Variants in KCNIP4 observed in about 807,000 individuals in gnomAD.
KCNIP4 encodes the protein potassium voltage-gated channel interacting protein 4.
A neutral mutation model predicts 34.0 loss-of-function variants in KCNIP4; 12 were observed. That is an observed-to-expected ratio of 0.35 (90% confidence interval 0.23 to 0.57). The LOEUF (loss-of-function observed/expected upper bound fraction) is 0.57, where lower values mean the gene tolerates loss of function less well. Ranked by LOEUF, KCNIP4 falls within the 20% of genes least tolerant of loss-of-function variation. KCNIP4 has a pLI of 0.83. For missense variants in KCNIP4, 238 were observed against 311.7 expected, an observed-to-expected ratio of 0.76 and a Z score of 1.78; for synonymous variants, 124 against 102.2, an observed-to-expected ratio of 1.21 and a Z score of -1.29.
chr4:20,844,308 G>A (rs920478512), intron 3 of KCNIP4, among the ~76,000 whole-genome samples: 1 of 152,212 alleles, frequency 6.6e-6, no homozygotes. Flanking sequence ...GTTCTGCTAG[G>A]GCAAAGGAAA....
chr4:21,635,944 GAAT>G (rs1560580955), intron 1 of KCNIP4, among the ~76,000 whole-genome samples: 1 of 151,814 alleles, frequency 6.6e-6, no homozygotes, highest in East Asian at 1.9e-4. Context: ...ATACACCATG[GAAT>G]ACTATGCAGC....
chr4:20,816,754 G>A (rs1362098491), intron 3 of KCNIP4, among the ~76,000 whole-genome samples: 14 of 152,174 alleles, frequency 9.2e-5, no homozygotes, highest in Non-Finnish European at 1.6e-4. Context: ...GAACCGTGGA[G>A]GTTGTATAAA....
At chr4:21,436,521 A>G (rs914547861) in intron 1 of KCNIP4, among the ~76,000 whole-genome samples, 2 of 152,226 alleles carry the variant, frequency 1.3e-5, no homozygotes, top group African/African-American at 4.8e-5. Context: ...ATCACTACAC[A>G]TTCCCTTCTC....
chr4:20,862,404 G>T (rs1722298847), intron 2 of KCNIP4, among the ~76,000 whole-genome samples: 1 of 152,082 alleles, frequency 6.6e-6, no homozygotes, highest in Non-Finnish European at 1.5e-5. Context: ...GAATGCTGAG[G>T]GGGCAGAGGA....
intron 1 of KCNIP4, among the ~76,000 whole-genome samples, chr4:21,785,576 A>G (rs1011254632): frequency 3.3e-5 from 5 of 149,994 alleles, no homozygotes; most frequent in African/African-American, 1.2e-4. Context: ...TGGGTCAAAG[A>G]GTGAGATTCC....
At chr4:21,843,408 A>G (rs189826552) in intron 1 of KCNIP4, 25 of 152,198 alleles carry the variant, frequency 1.6e-4, no homozygotes, top group Admixed American at 9.8e-4. Context: ...GCCCAAAAAT[A>G]TGGCACCTTG....
At chr4:21,281,424 A>G (rs1762768687) in intron 1 of KCNIP4, among the ~76,000 whole-genome samples, 1 of 152,146 alleles carries the variant, frequency 6.6e-6, no homozygotes, top group Non-Finnish European at 1.5e-5. Flanking sequence ...GTAACACTGC[A>G]CTGGAATAGA....
At chr4:20,906,366 T>C (rs931609906) in intron 1 of KCNIP4, among the ~76,000 whole-genome samples, 2 of 152,164 alleles carry the variant, frequency 1.3e-5, no homozygotes, top group African/African-American at 4.8e-5. Context: ...AATAGTATTA[T>C]AACTGGTTAT....
At chr4:21,373,309 A>G (rs937848363) in intron 1 of KCNIP4, among the ~76,000 whole-genome samples, 1 of 146,478 alleles carries the variant, frequency 6.8e-6, no homozygotes, top group African/African-American at 2.8e-5. Flanking sequence ...GGTAATACAT[A>G]ATCTGTCTCA....
intron 1 of KCNIP4, among the ~76,000 whole-genome samples, chr4:20,940,497 CTG>C (rs1192148817): frequency 1.3e-5 from 2 of 152,072 alleles, no homozygotes; most frequent in East Asian, 1.9e-4. Context: ...TAGGGATAAA[CTG>C]TGTTTTTCAT....
intron 1 of KCNIP4, among the ~76,000 whole-genome samples, chr4:21,359,294 C>T (rs982293146): frequency 1.3e-5 from 2 of 152,026 alleles, no homozygotes; most frequent in African/African-American, 4.8e-5. Flanking sequence ...GGCCTGAAGA[C>T]TTAGATTAAA....
chr4:21,885,470 G>A (rs140847320), intron 1 of KCNIP4, among the ~76,000 whole-genome samples: 1 of 151,966 alleles, frequency 6.6e-6, no homozygotes, highest in Non-Finnish European at 1.5e-5. Context: ...CTCTTTCTTT[G>A]TCTTGTAGCC....
intron 1 of KCNIP4, among the ~76,000 whole-genome samples, chr4:21,401,797 T>G (rs1030284256): frequency 6.6e-6 from 1 of 152,178 alleles, no homozygotes; most frequent in African/African-American, 2.4e-5. Context: ...GGGGCCTTTC[T>G]CAAGGGAGGG....
intron 1 of KCNIP4, among the ~76,000 whole-genome samples, chr4:20,958,275 C>A (rs374482818): frequency 6.6e-6 from 1 of 152,174 alleles, no homozygotes; most frequent in African/African-American, 2.4e-5. Context: ...TCAGAGAACA[C>A]AAATCCAAAG....
intron 1 of KCNIP4, among the ~76,000 whole-genome samples, chr4:21,723,891 C>G (rs182807407): frequency 3.0e-4 from 45 of 152,160 alleles, no homozygotes; most frequent in African/African-American, 1.1e-3. Context: ...TAAGGCCTCA[C>G]AGGGTCATGA....
intron 1 of KCNIP4, among the ~76,000 whole-genome samples, chr4:20,891,814 CA>C (rs1725945599): frequency 6.6e-6 from 1 of 152,022 alleles, no homozygotes. Flanking sequence ...AAAGTAATGG[CA>C]AAAACTGCAA....
At chr4:21,515,072 C>T in intron 1 of KCNIP4, among the ~76,000 whole-genome samples, 1 of 152,158 alleles carries the variant, frequency 6.6e-6, no homozygotes, top group East Asian at 1.9e-4. Flanking sequence ...CCATCTCCCT[C>T]CTTTTCTCTA....
intron 1 of KCNIP4, among the ~76,000 whole-genome samples, chr4:21,100,738 T>C (rs1268898740): frequency 1.3e-5 from 2 of 152,124 alleles, no homozygotes; most frequent in Admixed American, 1.3e-4. Context: ...TTAAGGTGTG[T>C]ACATTGTTTT....
intron 1 of KCNIP4, among the ~76,000 whole-genome samples, chr4:20,964,520 G>C (rs78789656): frequency 3.3e-5 from 5 of 151,810 alleles, no homozygotes; most frequent in African/African-American, 9.7e-5. Context: ...CGTCTTTTTT[G>C]GGGGGGAGGT....
Sources: gnomAD v4.1 joint callset for allele counts (sites outside exome capture counted in the v4.1 genomes callset) on GRCh38, gnomAD v4.1.1 for gene constraint, MANE v1.5 for transcripts, NCBI Gene and HGNC (gene_info 2026-07-23, HGNC 2026-07-21) for gene names.